The following CEP57L1 variants were observed in gnomAD, a reference collection of about 807,000 sequenced individuals.
CEP57L1 encodes the protein centrosomal protein 57 like 1.
A neutral mutation model predicts 61.0 loss-of-function variants in CEP57L1; 37 were observed. The ratio of observed to expected loss-of-function variants is 0.61; its 90% CI spans 0.47 to 0.80. The LOEUF is 0.80. CEP57L1 is among the 30% of genes least tolerant of loss of function. The pLI, the probability that CEP57L1 is intolerant of heterozygous loss-of-function variation, is 0.00. For missense variants in CEP57L1, 422 were observed against 524.7 expected (o/e 0.80, Z 1.91); for synonymous variants, 137 against 162.3 (o/e 0.84, Z 1.19).
Position 109,167,099 on chromosome 6 carries a change from A to G in CEP57L1, c.*4129A>G, listed in dbSNP as rs1357395104. ...AATATTGACTGTCACTCATCTGAAA[A>G]TAAATTTACTTCTTGGTAATTAAAT... On this transcript the variant is annotated 3_prime_UTR_variant, in exon 11 of 11. Coordinates refer to ENST00000517392, the MANE Select transcript of CEP57L1 (RefSeq NM_001271852.3). 6.6e-6 allele frequency among the ~76,000 whole-genome samples: 1 copy of G among 152,234 alleles called. No homozygotes were observed. The highest frequency in any genetic ancestry group is 1.5e-5 in the Non-Finnish European group (1 of 68,042).
At chr6:109,137,735 A>G (rs1164715191) in intron 1 of CEP57L1, among the ~76,000 whole-genome samples, 1 of 152,246 alleles carries the variant, frequency 6.6e-6, no homozygotes, top group Non-Finnish European at 1.5e-5. Context: ...AATTCTAGGC[A>G]TTATGGATAG....
rs888242733 is a variant in CEP57L1 at position 109,170,541 on chromosome 6, C to T, written c.*7571C>T. Among the ~76,000 whole-genome samples, 2 of 152,042 alleles carry T rather than the reference C, an allele frequency of 1.3e-5. No individual in the cohort carries two copies. Among genetic ancestry groups the T allele is most frequent in the African/African-American group, 4.8e-5 (2 of 41,418 alleles). On this transcript the variant is annotated 3_prime_UTR_variant, in exon 11 of 11. Transcript: ENST00000517392. ...AAATACAAGATTGATGTTTACAGGG[C>T]AATTGTCCAGAATCTTGCTGAATTG...
At position 109,169,226 on chromosome 6, in the gene CEP57L1, CAAAAA is replaced by C. The variant is rs202070350; in HGVS notation, c.*6273_*6277del. 3.0e-5 allele frequency among the ~76,000 whole-genome samples: 2 copies of C among 67,544 alleles called. No individual in the cohort carries two copies. The highest frequency in any genetic ancestry group is 5.7e-5 in the African/African-American group (1 of 17,410). 44.3% of individuals were successfully genotyped at this position (67,544 alleles called of 152,430 possible). A position where few individuals can be genotyped will look rare whatever the true frequency, so the allele number is the denominator to read the frequency against. On this transcript the variant is annotated 3_prime_UTR_variant, in exon 11 of 11. Coordinates refer to ENST00000517392, the MANE Select transcript of CEP57L1 (RefSeq NM_001271852.3). The stretch of plus-strand genomic sequence containing the variant: ...GAGCAGCAGAGTGAGGCTCCATCAG[CAAAAA>C]AAAAAAAAAAAAAAAAGATCAGAGT...
intron 2 of CEP57L1, among the ~76,000 whole-genome samples, chr6:109,145,876 A>G (rs1771905961): frequency 6.6e-6 from 1 of 151,904 alleles, no homozygotes; most frequent in South Asian, 2.1e-4. Flanking sequence ...TTAGGAAAAC[A>G]TTTTATTACT....
rs1247537057 is a variant in CEP57L1 at position 109,171,357 on chromosome 6, G to GC, written c.*8389dup. 2.0e-5 allele frequency among the ~76,000 whole-genome samples: 3 copies of GC among 151,576 alleles called. No individual in the cohort carries two copies. Among genetic ancestry groups the GC allele is most frequent in the Admixed American group, 2.0e-4 (3 of 15,218 alleles). ...AGGTTCAAGCGATTCTTCTGCCTCA[G>GC]CCTCCCAAGTAGCTGGGATTACAGG... On this transcript the variant is annotated 3_prime_UTR_variant, in exon 11 of 11. Coordinates refer to ENST00000517392, the MANE Select transcript of CEP57L1 (RefSeq NM_001271852.3).
At chr6:109,160,485 A>T (rs1348005421) in intron 9 of CEP57L1, 87 bp from the exon 10 acceptor site, 4 of 1,072,486 alleles carry the variant, frequency 3.7e-6, no homozygotes, top group South Asian at 1.5e-5. Flanking sequence ...ACTAAAATTT[A>T]TGATTGAACA....
intron 2 of CEP57L1, among the ~76,000 whole-genome samples, 159 bp from the exon 3 acceptor site, chr6:109,146,599 A>G (rs1771985461): frequency 6.6e-6 from 1 of 152,016 alleles, no homozygotes; most frequent in South Asian, 2.1e-4. Context: ...GCCTCTTCAA[A>G]GTGTTAGTCA....
chr6:109,161,990 A>G (rs531808609), intron 10 of CEP57L1, among the ~76,000 whole-genome samples: 7 of 152,162 alleles, frequency 4.6e-5, no homozygotes, highest in Middle Eastern at 3.4e-3. Context: ...GAAGAAATTG[A>G]TTTTGGCTAG....
intron 1 of CEP57L1, chr6:109,140,312 C>T (rs937041380): frequency 6.6e-6 from 1 of 151,906 alleles, no homozygotes; most frequent in Non-Finnish European, 1.5e-5. Flanking sequence ...TACATATTAA[C>T]ATTAACCCTT....
chr6:109,102,570 A>C (rs1365015994), intron 1 of CEP57L1, among the ~76,000 whole-genome samples: 1 of 152,014 alleles, frequency 6.6e-6, no homozygotes, highest in Admixed American at 6.6e-5. Context: ...TGCCATACCC[A>C]GGGTCATGTA....
intron 1 of CEP57L1, among the ~76,000 whole-genome samples, chr6:109,135,537 T>A (rs1774766903): frequency 6.6e-6 from 1 of 152,096 alleles, no homozygotes; most frequent in Non-Finnish European, 1.5e-5. Context: ...CCAAAAACAA[T>A]GGCAACAAAA....
chr6:109,149,527 T>C (rs1772351165), intron 3 of CEP57L1, among the ~76,000 whole-genome samples: 1 of 152,138 alleles, frequency 6.6e-6, no homozygotes, highest in Non-Finnish European at 1.5e-5. Flanking sequence ...TGTAGCCTTG[T>C]AGTATAGTTT....
At chr6:109,108,769 C>T (rs1771227573) in intron 1 of CEP57L1, among the ~76,000 whole-genome samples, 1 of 152,160 alleles carries the variant, frequency 6.6e-6, no homozygotes, top group Admixed American at 6.5e-5. Flanking sequence ...GATTTATATG[C>T]TCTGAAGAGA....
chr6:109,117,040 A>G (rs1222306720), intron 1 of CEP57L1, among the ~76,000 whole-genome samples: 1 of 152,224 alleles, frequency 6.6e-6, no homozygotes. Flanking sequence ...CAATATTTTA[A>G]TAATCTGAGA....
intron 1 of CEP57L1, among the ~76,000 whole-genome samples, chr6:109,129,770 T>C (rs989515569): frequency 2.0e-5 from 3 of 152,168 alleles, no homozygotes; most frequent in Admixed American, 1.3e-4. Context: ...TGTTGTCACC[T>C]CTACTTATCT....
At chr6:109,116,571 C>G (rs1226020136) in intron 1 of CEP57L1, among the ~76,000 whole-genome samples, 1 of 152,084 alleles carries the variant, frequency 6.6e-6, no homozygotes, top group Non-Finnish European at 1.5e-5. Flanking sequence ...CAATCTTTTT[C>G]TAGGTTCTGA....
chr6:109,120,380 TTGATGCGTA>T (rs2114692210), intron 1 of CEP57L1, among the ~76,000 whole-genome samples: 1 of 152,332 alleles, frequency 6.6e-6, no homozygotes, highest in South Asian at 2.1e-4. Context: ...TGGCTGCCAG[TTGATGCGTA>T]TGATAGGAAA....
intron 1 of CEP57L1, among the ~76,000 whole-genome samples, chr6:109,111,804 C>G (rs1029412872): frequency 2.0e-5 from 3 of 152,124 alleles, no homozygotes; most frequent in African/African-American, 7.2e-5. Flanking sequence ...GTCATTGGTT[C>G]TGTTTATGCG....
At position 109,173,182 on chromosome 6, in the gene CEP57L1, T is replaced by C. The variant is rs1423220442; in HGVS notation, c.*10212T>C. On this transcript the variant is annotated 3_prime_UTR_variant, in exon 11 of 11. Coordinates refer to ENST00000517392, the MANE Select transcript of CEP57L1 (RefSeq NM_001271852.3). The stretch of plus-strand genomic sequence containing the variant: ...ACCATGTATACCATTGTTTGTGTAC[T>C]TTTTAATTGTGTCATTTTCTACAGT... 6.6e-6 allele frequency among the ~76,000 whole-genome samples: 1 copy of C among 152,248 alleles called. No homozygotes were observed. Among genetic ancestry groups the C allele is most frequent in the Non-Finnish European group, 1.5e-5 (1 of 68,044 alleles).
Sources: gnomAD v4.1 joint callset for allele counts (sites outside exome capture counted in the v4.1 genomes callset) on GRCh38, gnomAD v4.1.1 for gene constraint, MANE v1.5 for transcripts, NCBI Gene and HGNC (gene_info 2026-07-23, HGNC 2026-07-21) for gene names.